The following ZFHX3 variants were observed in gnomAD, a reference collection of about 807,000 sequenced individuals.
ZFHX3 encodes the protein zinc finger homeobox protein 3.
A neutral mutation model predicts 279.1 loss-of-function variants in ZFHX3; 42 were observed. That is an observed-to-expected ratio of 0.15 (90% CI 0.12 to 0.19). The LOEUF is 0.19. Among genes scored for constraint, ZFHX3 ranks in the 10% least tolerant of loss-of-function variants. ZFHX3 has a pLI of 1.00. For synonymous variants in ZFHX3, 2,293 were observed against 1,957.8 expected (o/e 1.17, Z -4.52); for missense variants, 4,981 against 4,754.0 (o/e 1.05, Z -1.40).
intron 3 of ZFHX3, among the ~76,000 whole-genome samples, chr16:72,926,779 G>A (rs1047603336): frequency 2.6e-5 from 4 of 152,188 alleles, no homozygotes; most frequent in Admixed American, 2.6e-4. Flanking sequence ...ACACAAAGCA[G>A]AGACCAATGT....
At chr16:73,327,738 G>T (rs1020204021) in intron 3 of ZFHX3, among the ~76,000 whole-genome samples, 1 of 152,186 alleles carries the variant, frequency 6.6e-6, no homozygotes, top group African/African-American at 2.4e-5. Context: ...AGTTGCCCTG[G>T]AATAGAATCT....
intron 7 of ZFHX3, among the ~76,000 whole-genome samples, chr16:73,110,063 A>G (rs750980921): frequency 2.0e-5 from 3 of 151,700 alleles, no homozygotes; most frequent in Non-Finnish European, 4.4e-5. Context: ...ACATGGTGAA[A>G]CCCCATCTCT....
At chr16:73,329,472 G>A (rs946897231) in intron 3 of ZFHX3, among the ~76,000 whole-genome samples, 16 of 152,354 alleles carry the variant, frequency 1.1e-4, no homozygotes, top group East Asian at 5.8e-4. Flanking sequence ...TGCCTCGACC[G>A]GCGGAGCCAG....
At chr16:72,976,959 AG>A (rs1358221154) in intron 1 of ZFHX3, among the ~76,000 whole-genome samples, 1 of 152,198 alleles carries the variant, frequency 6.6e-6, no homozygotes, top group Non-Finnish European at 1.5e-5. Context: ...AAGGCATTTT[AG>A]GGATATTTTA....
chr16:73,057,535 CAAAA>C (rs60945619), intron 1 of ZFHX3, among the ~76,000 whole-genome samples: 5 of 125,264 alleles, frequency 4.0e-5, no homozygotes, highest in South Asian at 2.6e-4. Flanking sequence ...TTCGCGAGAG[CAAAA>C]AAAAAAAAAA....
At chr16:73,794,242 G>A (rs1175987547) in intron 1 of ZFHX3, 1 of 152,184 alleles carries the variant, frequency 6.6e-6, no homozygotes, top group Non-Finnish European at 1.5e-5. Context: ...TGGACATCGA[G>A]GGCTGGTTGT....
rs753593330 is a variant in ZFHX3 at position 72,787,259 on chromosome 16, C to T, written c.11017G>A (p.Asp3673Asn). 1.2e-6 allele frequency: 2 copies of T among 1,614,066 alleles called. No homozygotes were observed. Among genetic ancestry groups the T allele is most frequent in the East Asian group, 2.2e-5 (1 of 44,860 alleles). ...ESDTDLSQKS[D>N]GPASPVEGPK... is the part of the protein sequence containing the mutation. ...CCCTCCACCGGGCTCGCCGGTCCGT[C>T]GGACTTTTGGCTGAGATCCGTGTCA... The change falls in exon 10 of 10, where the codon GAC becomes AAC. Residue 3673 changes from aspartate (D) to asparagine (N), a missense_variant. By Grantham distance (23) the Asp-to-Asn change is conservative (BLOSUM62 1). Transcript: ENST00000268489.
chr16:73,824,127 C>T (rs1378942220), intron 1 of ZFHX3, among the ~76,000 whole-genome samples: 2 of 152,156 alleles, frequency 1.3e-5, no homozygotes, highest in Admixed American at 1.3e-4. Context: ...GTTGAACCGG[C>T]TTCCCTACTG....
chr16:73,061,378 T>C (rs1965682056), upstream of ZFHX3: 1 of 151,398 alleles, frequency 6.6e-6, no homozygotes, highest in Admixed American at 6.6e-5. Context: ...TGCCTTTTTT[T>C]TTTTTTTTTT....
chr16:73,417,488 T>TCC (rs767567121), intron 3 of ZFHX3, among the ~76,000 whole-genome samples: 3 of 144,382 alleles, frequency 2.1e-5, no homozygotes, highest in Non-Finnish European at 3.0e-5. Flanking sequence ...TGCCTCAGCC[T>TCC]CCTGAGTACC....
Position 72,911,554 on chromosome 16 carries a change from C to T in ZFHX3, c.3217-21592G>A, listed in dbSNP as rs559651841. 1.6e-3 allele frequency among the ~76,000 whole-genome samples: 251 copies of T among 152,238 alleles called. 2 individuals are homozygous for T. The Middle Eastern group carries it at 0.02, about 12-fold the overall frequency. On this transcript the variant is annotated intron_variant, in intron 3 of 9. Transcript: ENST00000268489. ...CAACGTGTCGGGGAAGGTTTGGAAACGGCTGGGCATTTCAGACCCTCCGCG... is the reference window on the plus strand; with the variant it reads ...CAACGTGTCGGGGAAGGTTTGGAAATGGCTGGGCATTTCAGACCCTCCGCG...
At chr16:73,815,443 G>A (rs941913554) in intron 1 of ZFHX3, 5 of 152,122 alleles carry the variant, frequency 3.3e-5, no homozygotes, top group African/African-American at 1.2e-4. Context: ...AAGCTACAGG[G>A]GAAATCTTTC....
chr16:73,423,162 A>AT lies in ZFHX3; in HGVS notation c.-1291+32840dup, dbSNP rs1172815048. Among the ~76,000 whole-genome samples, 8 of 151,984 alleles carry AT rather than the reference A, an allele frequency of 5.3e-5. No individual in the cohort carries two copies. In the South Asian group the frequency reaches 1.2e-3, roughly 24 times the overall value. ...CTGAGGGTTAGGACTTCAACATATG[A>AT]TTTTTTGCAGGGGCTGGGGAGGGAC... On this transcript the variant is annotated intron_variant, in intron 3 of 17. Transcript: ENST00000641206.
chr16:73,507,578 T>G (rs2019350258), intron 2 of ZFHX3, among the ~76,000 whole-genome samples: 1 of 146,324 alleles, frequency 6.8e-6, no homozygotes, highest in Non-Finnish European at 1.5e-5. Flanking sequence ...TCACTGCAGC[T>G]TCACATTCCT....
chr16:73,329,424 A>G (rs1460307752), intron 3 of ZFHX3, among the ~76,000 whole-genome samples: 1 of 152,216 alleles, frequency 6.6e-6, no homozygotes, highest in East Asian at 1.9e-4. Flanking sequence ...GCGCTTAGCC[A>G]TTTAATTAAA....
chr16:73,164,246 G>C (rs57205624), intron 5 of ZFHX3, among the ~76,000 whole-genome samples: 3,285 of 152,268 alleles, frequency 0.022, 116 homozygotes, highest in African/African-American at 0.074. Context: ...TCATGCATGG[G>C]TTGACTGTGG....
At chr16:72,827,210 T>C (rs753482046) in intron 5 of ZFHX3, among the ~76,000 whole-genome samples, 4 of 152,214 alleles carry the variant, frequency 2.6e-5, no homozygotes, top group Non-Finnish European at 2.9e-5. Flanking sequence ...AGGAGCCACA[T>C]GCTGCCTTGC....
At chr16:73,786,475 C>T (rs1597115122) in intron 1 of ZFHX3, among the ~76,000 whole-genome samples, 1 of 152,068 alleles carries the variant, frequency 6.6e-6, no homozygotes, top group South Asian at 2.1e-4. Flanking sequence ...GTTGTTTCTT[C>T]GGGATCTCAG....
chr16:73,045,517 T>C (rs1313640023), intron 1 of ZFHX3, among the ~76,000 whole-genome samples: 1 of 152,148 alleles, frequency 6.6e-6, no homozygotes, highest in Non-Finnish European at 1.5e-5. Context: ...CAGGGGCCTG[T>C]GGAGGGCACC....
Sources: gnomAD v4.1 joint callset for allele counts (sites outside exome capture counted in the v4.1 genomes callset) on GRCh38, gnomAD v4.1.1 for gene constraint, MANE v1.5 for transcripts, NCBI Gene and HGNC (gene_info 2026-07-23, HGNC 2026-07-21) for gene names.